CSMD1: variants seen among roughly 807,000 people sequenced by gnomAD.
CSMD1 encodes the protein CUB and sushi domain-containing protein 1.
CSMD1 carries 213 observed loss-of-function variants against 417.5 expected under a neutral mutation model. The ratio of observed to expected loss-of-function variants is 0.51; its 90% confidence interval spans 0.46 to 0.57. The LOEUF (loss-of-function observed/expected upper bound fraction) is 0.57. Ranked by LOEUF, CSMD1 falls within the 20% of genes least tolerant of loss-of-function variation. The probability of loss-of-function intolerance (pLI) is 0.00; values close to 1 mark genes in which losing one functional copy is unlikely to be tolerated. For missense variants in CSMD1, 6,923 were observed against 4,529.7 expected, an observed-to-expected ratio of 1.53 and a Z score of -15.17; for synonymous variants, 2,862 against 1,736.8, an observed-to-expected ratio of 1.65 and a Z score of -16.11.
intron 1 of CSMD1, among the ~76,000 whole-genome samples, chr8:4,699,984 T>C (rs1156681044): frequency 1.3e-5 from 2 of 152,208 alleles, no homozygotes; most frequent in South Asian, 4.1e-4. Flanking sequence ...TCTCTCATTA[T>C]AATACATGGC....
intron 3 of CSMD1, among the ~76,000 whole-genome samples, chr8:4,323,088 G>GT (rs1799359261): frequency 6.9e-6 from 1 of 145,486 alleles, no homozygotes; most frequent in East Asian, 2.2e-4. Context: ...GCGAAGGAAT[G>GT]GAAAAATCAT....
At position 4,780,904 on chromosome 8, in the gene CSMD1, C is replaced by G. The variant is rs150056334; in HGVS notation, c.86-143346G>C. On this transcript the variant is annotated intron_variant, in intron 1 of 69. Transcript: ENST00000635120. ...TCACTGAAAACGCTGTTCATTCATT[C>G]CTTATTGTAATTATTTTTTAAAAGC... Among the ~76,000 whole-genome samples the G allele has an allele frequency of 1.1e-3, 172 of 152,286 alleles. 3 individuals carry two copies. Among genetic ancestry groups the G allele is most frequent in the African/African-American group, 4.0e-3 (166 of 41,556 alleles).
intron 9 of CSMD1, among the ~76,000 whole-genome samples, chr8:3,579,166 A>G (rs2116962605): frequency 6.6e-6 from 1 of 152,196 alleles, no homozygotes; most frequent in South Asian, 2.1e-4. Flanking sequence ...GTAAAACTAG[A>G]ATTCACAGAA....
Position 3,236,839 on chromosome 8 carries a change from C to T in CSMD1, c.4154-6608G>A, listed in dbSNP as rs531739014. 6.6e-5 allele frequency among the ~76,000 whole-genome samples: 10 copies of T among 152,244 alleles called. No individual in the cohort carries two copies. The South Asian group carries it at 1.2e-3, about 19-fold the overall frequency. On this transcript the variant is annotated intron_variant, in intron 26 of 69. Coordinates refer to ENST00000635120, the MANE Select transcript of CSMD1 (RefSeq NM_033225.6). ...CAGTTGCATCCATCTTATCCCTCAACGACCCTAGAAAAAGGCAGCGCTGTT... is the reference window on the plus strand; with the variant it reads ...CAGTTGCATCCATCTTATCCCTCAATGACCCTAGAAAAAGGCAGCGCTGTT...
At chr8:4,895,294 T>C (rs551321085) in intron 1 of CSMD1, among the ~76,000 whole-genome samples, 2 of 152,226 alleles carry the variant, frequency 1.3e-5, no homozygotes, top group East Asian at 3.9e-4. Context: ...AAATGGTAAG[T>C]CCGTATGACT....
chr8:3,144,727 T>C (rs1818730529), intron 40 of CSMD1, among the ~76,000 whole-genome samples: 1 of 151,124 alleles, frequency 6.6e-6, no homozygotes, highest in South Asian at 2.1e-4. Flanking sequence ...CCAGAAAATA[T>C]TTTTGTTTAA....
chr8:4,190,587 T>C (rs1798967083), intron 3 of CSMD1, among the ~76,000 whole-genome samples: 1 of 151,592 alleles, frequency 6.6e-6, no homozygotes, highest in Non-Finnish European at 1.5e-5. Flanking sequence ...TCTATTCCCA[T>C]GTTTATAACG....
intron 2 of CSMD1, among the ~76,000 whole-genome samples, chr8:4,431,673 G>A (rs1000892890): frequency 1.3e-5 from 2 of 152,074 alleles, no homozygotes; most frequent in African/African-American, 4.8e-5. Flanking sequence ...AAAAGATAGA[G>A]GAATGAAACA....
At chr8:3,633,414 G>C (rs896405678) in intron 7 of CSMD1, among the ~76,000 whole-genome samples, 1 of 152,196 alleles carries the variant, frequency 6.6e-6, no homozygotes, top group Non-Finnish European at 1.5e-5. Flanking sequence ...ACTTCACAGT[G>C]AATGGTTGCT....
intron 3 of CSMD1, among the ~76,000 whole-genome samples, chr8:4,053,598 C>T (rs547628390): frequency 3.9e-5 from 6 of 152,284 alleles, no homozygotes; most frequent in African/African-American, 1.4e-4. Flanking sequence ...TTAGCAACCT[C>T]TGATCTCCTT....
At chr8:4,814,630 G>C (rs1007381883) in intron 1 of CSMD1, among the ~76,000 whole-genome samples, 1 of 152,192 alleles carries the variant, frequency 6.6e-6, no homozygotes, top group South Asian at 2.1e-4. Flanking sequence ...TTGATCAAGG[G>C]TCTTCATGTG....
chr8:3,952,332 T>C (rs371968323), intron 5 of CSMD1, among the ~76,000 whole-genome samples: 28 of 152,326 alleles, frequency 1.8e-4, no homozygotes, highest in East Asian at 9.6e-4. Flanking sequence ...CAGAAGCCAA[T>C]AGAATAATTC....
chr8:4,131,080 G>A lies in CSMD1; in HGVS notation c.416-98981C>T, dbSNP rs535002678. On this transcript the variant is annotated intron_variant, in intron 3 of 69. Transcript: ENST00000635120. ...TCCTTTTTAGAAATGCCTCAGAGAAGTGTGATTTCTAACTGCTGTTAAAAG... is the reference window on the plus strand; with the variant it reads ...TCCTTTTTAGAAATGCCTCAGAGAAATGTGATTTCTAACTGCTGTTAAAAG... Among the ~76,000 whole-genome samples, 12 of 152,282 alleles carry A rather than the reference G, an allele frequency of 7.9e-5. 1 individual carries two copies. In the East Asian group the frequency reaches 2.3e-3, roughly 29 times the overall value.
chr8:4,850,167 G>A (rs756431338), intron 1 of CSMD1, among the ~76,000 whole-genome samples: 7 of 152,036 alleles, frequency 4.6e-5, no homozygotes, highest in Non-Finnish European at 1.0e-4. Flanking sequence ...ATTGGTATTT[G>A]TAAAATGTAT....
chr8:4,187,065 A>C (rs1379366607), intron 3 of CSMD1, among the ~76,000 whole-genome samples: 1 of 152,160 alleles, frequency 6.6e-6, no homozygotes, highest in Admixed American at 6.5e-5. Flanking sequence ...TGTTTGCTCA[A>C]ATTGAAACAA....
intron 3 of CSMD1, among the ~76,000 whole-genome samples, chr8:4,038,689 C>T (rs1797738910): frequency 6.6e-6 from 1 of 152,172 alleles, no homozygotes; most frequent in Admixed American, 6.5e-5. Flanking sequence ...CACTCCTTCC[C>T]ATAGATGCTT....
chr8:4,453,767 G>C (rs1159311166), intron 2 of CSMD1, among the ~76,000 whole-genome samples: 1 of 146,422 alleles, frequency 6.8e-6, no homozygotes, highest in African/African-American at 2.5e-5. Flanking sequence ...TTGAGCGAAC[G>C]CCTCAGCTTT....
intron 5 of CSMD1, among the ~76,000 whole-genome samples, chr8:3,801,817 A>T (rs565462263): frequency 2.6e-5 from 4 of 152,334 alleles, no homozygotes; most frequent in African/African-American, 4.8e-5. Context: ...GTACTAAGGT[A>T]TGTTGGAATA....
chr8:3,850,565 C>T (rs1324647114), intron 5 of CSMD1, among the ~76,000 whole-genome samples: 1 of 152,070 alleles, frequency 6.6e-6, no homozygotes, highest in Non-Finnish European at 1.5e-5. Context: ...CATGATGGCT[C>T]TCACCTGTTT....
Sources: allele counts gnomAD v4.1 joint callset (sites outside exome capture counted in the v4.1 genomes callset), GRCh38; gene constraint gnomAD v4.1.1; transcripts MANE v1.5; gene names NCBI Gene and HGNC (gene_info 2026-07-23, HGNC 2026-07-21).